ATP7A: variants seen among roughly 807,000 people sequenced by gnomAD.
ATP7A encodes the protein ATPase copper transporting alpha.
Under a neutral mutation model 83.5 loss-of-function variants are expected in ATP7A, and 7 were observed. The ratio of observed to expected loss-of-function variants is 0.08; its 90% confidence interval spans 0.05 to 0.16. ATP7A has a LOEUF of 0.16. Among genes scored for constraint, ATP7A ranks in the 10% least tolerant of loss-of-function variants. The pLI is 1.00. For synonymous variants in ATP7A, 354 were observed against 395.2 expected (o/e 0.90, Z 1.24); for missense variants, 940 against 1,120.8 (o/e 0.84, Z 2.30).
intron 1 of ATP7A, among the ~76,000 whole-genome samples, chrX:77,947,524 C>T (rs1011297061): frequency 1.3e-4 from 14 of 108,161 alleles, no homozygotes; most frequent in South Asian, 4.0e-4. Flanking sequence ...CTGCAACCTC[C>T]GTCTCCCGGG....
chrX:77,963,485 A>G (rs1328759033), intron 1 of ATP7A: 1 of 112,702 alleles, frequency 8.9e-6, no homozygotes, highest in Non-Finnish European at 1.9e-5. Flanking sequence ...CTAAAAATGT[A>G]TGAATCAGGA....
intron 15 of ATP7A, 36 bp from the exon 16 acceptor site, chrX:78,031,364 G>A: frequency 8.7e-7 from 1 of 1,145,299 alleles, no homozygotes; most frequent in Non-Finnish European, 1.2e-6. Flanking sequence ...GTGATGTGGA[G>A]GATCATCAAG....
chrX:77,983,916 C>G (rs1198830289), intron 2 of ATP7A, among the ~76,000 whole-genome samples: 20 of 111,181 alleles, frequency 1.8e-4, no homozygotes, highest in Non-Finnish European at 1.3e-4. Context: ...AACTCCTGGC[C>G]TTAAGTGATA....
At position 77,953,138 on chromosome X, in the gene ATP7A, C is replaced by T. The variant is rs182188566; in HGVS notation, c.-21-18483C>T. Among the ~76,000 whole-genome samples the T allele has an allele frequency of 2.5e-4, 28 of 111,914 alleles. No homozygotes were observed. In the East Asian group the frequency reaches 7.2e-3, roughly 29 times the overall value. On this transcript the variant is annotated intron_variant, in intron 1 of 22. Transcript: ENST00000341514. ...AAATACTGACAGTTATTTTCGTTTT[C>T]ATAGGCATTTAATGTTTTCGCATTT...
intron 1 of ATP7A, chrX:77,923,854 C>T (rs782336741): frequency 3.6e-4 from 40 of 111,386 alleles, no homozygotes; most frequent in African/African-American, 1.3e-3. Context: ...AGAAAAAAGG[C>T]AGATAGTCAA....
intron 4 of ATP7A, among the ~76,000 whole-genome samples, chrX:77,991,068 A>T (rs1326388977): frequency 1.8e-5 from 2 of 112,074 alleles, no homozygotes; most frequent in African/African-American, 3.2e-5. Flanking sequence ...ATTGACACAT[A>T]GTTCACATAC....
chrX:78,011,064 G>A, intron 7 of ATP7A, 112 bp from the exon 8 acceptor site: 1 of 613,821 alleles, frequency 1.6e-6, no homozygotes. Context: ...TCCCCAGAGT[G>A]ACTTGCCCTC....
intron 1 of ATP7A, among the ~76,000 whole-genome samples, chrX:77,941,095 G>T (rs1557225595): frequency 8.9e-6 from 1 of 111,746 alleles, no homozygotes; most frequent in Non-Finnish European, 1.9e-5. Context: ...CTGGAGGGCA[G>T]TTTGGAACTA....
Position 78,031,384 on chromosome X carries a change from C to CTT in ATP7A, c.3112-15_3112-14dup, listed in dbSNP as rs2077982901. ...GTGGAGGATCATCAAGTCATTGTAT[C>CTT]TTAATTTTTTTACAGGTAAAGGTAG... On this transcript the variant is annotated splice_polypyrimidine_tract_variant and intron_variant, in intron 15 of 22. Transcript: ENST00000341514. The CTT allele has an allele frequency of 5.0e-6, 6 of 1,201,268 alleles. No individual in the cohort carries two copies. Among genetic ancestry groups the CTT allele is most frequent in the Non-Finnish European group, 5.6e-6 (5 of 886,164 alleles).
At position 78,015,874 on chromosome X, in the gene ATP7A, C is replaced by T. The variant is rs1307515001; in HGVS notation, c.2619C>T (p.Leu873=). 4.1e-6 allele frequency: 5 copies of T among 1,209,831 alleles called. No homozygotes were observed. In the African/African-American group the frequency reaches 8.7e-5, roughly 21 times the overall value. ...IEGHSMVDES[L]ITGEAMPVAK... ...GACATTCTATGGTAGATGAGTCCCT[C>T]ATCACAGGTATGTTCTTTCAAAGGA... Residue 873 remains leucine, a synonymous_variant, in exon 12 of 23, where the codon CTC becomes CTT. Coordinates refer to ENST00000341514, the MANE Select transcript of ATP7A (RefSeq NM_000052.7).
intron 1 of ATP7A, among the ~76,000 whole-genome samples, chrX:77,938,504 G>A (rs1327441809): frequency 8.9e-6 from 1 of 112,211 alleles, no homozygotes; most frequent in Admixed American, 9.5e-5. Context: ...ATAACCATCA[G>A]ATGCCATACC....
intron 2 of ATP7A, among the ~76,000 whole-genome samples, chrX:77,978,571 TTGTTA>T (rs1417302140): frequency 8.9e-6 from 1 of 111,834 alleles, no homozygotes; most frequent in Non-Finnish European, 1.9e-5. Context: ...CAATGCCTAG[TTGTTA>T]TGTTGAAAGG....
intron 1 of ATP7A, among the ~76,000 whole-genome samples, chrX:77,912,899 A>C (rs1255852508): frequency 1.8e-5 from 2 of 111,659 alleles, no homozygotes; most frequent in East Asian, 5.6e-4. Context: ...CCTCAAGATA[A>C]GGTTAAACAC....
At chrX:77,919,100 C>G (rs2077198431) in intron 1 of ATP7A, among the ~76,000 whole-genome samples, 1 of 112,036 alleles carries the variant, frequency 8.9e-6, no homozygotes, top group South Asian at 3.6e-4. Context: ...TATGCAAAAA[C>G]TTCATAAATT....
chrX:78,012,695 A>G (rs2077835576), intron 9 of ATP7A, among the ~76,000 whole-genome samples, 184 bp from the exon 10 acceptor site: 1 of 111,093 alleles, frequency 9.0e-6, no homozygotes, highest in African/African-American at 3.3e-5. Context: ...AGCAATTTGA[A>G]TACCTCCCTC....
intron 17 of ATP7A, 128 bp downstream of exon 17, chrX:78,033,949 C>A: frequency 1.6e-6 from 1 of 606,890 alleles, no homozygotes; most frequent in Non-Finnish European, 2.7e-6. Flanking sequence ...AGTCAATACC[C>A]TATGCCTTCT....
intron 1 of ATP7A, among the ~76,000 whole-genome samples, chrX:77,938,615 G>A (rs2077333507): frequency 8.9e-6 from 1 of 111,916 alleles, no homozygotes; most frequent in African/African-American, 3.2e-5. Flanking sequence ...AATATACATG[G>A]GTAGTGAGCT....
At chrX:78,014,361 T>A (rs1391825661) in intron 10 of ATP7A, among the ~76,000 whole-genome samples, 1 of 110,190 alleles carries the variant, frequency 9.1e-6, no homozygotes, top group Non-Finnish European at 1.9e-5. Context: ...GCCGAGATCA[T>A]GCTACTGCAC....
chrX:77,950,901 A>C (rs2149060583), intron 1 of ATP7A, among the ~76,000 whole-genome samples: 1 of 110,425 alleles, frequency 9.1e-6, no homozygotes, highest in Non-Finnish European at 1.9e-5. Context: ...GCATACATAT[A>C]GTCCCAGCTA....
Sources: gnomAD v4.1 joint callset for allele counts (sites outside exome capture counted in the v4.1 genomes callset) on GRCh38, gnomAD v4.1.1 for gene constraint, MANE v1.5 for transcripts, NCBI Gene and HGNC (gene_info 2026-07-23, HGNC 2026-07-21) for gene names.